PWWP3A: variants seen among roughly 807,000 people sequenced by gnomAD.
PWWP3A encodes the protein PWWP domain-containing DNA repair factor 3A.
PWWP3A carries 53 observed loss-of-function variants against 79.0 expected under a neutral mutation model. The observed-to-expected ratio is 0.67, with a 90% CI of 0.54 to 0.84. The LOEUF is 0.84. Among genes scored for constraint, PWWP3A ranks in the 40% least tolerant of loss-of-function variants. The probability of loss-of-function intolerance (pLI) is 0.00; values close to 1 mark genes in which losing one functional copy is unlikely to be tolerated. For synonymous variants in PWWP3A, 443 were observed against 394.4 expected (o/e 1.12, Z -1.46); for missense variants, 973 against 948.0 (o/e 1.03, Z -0.35).
intron 12 of PWWP3A, 119 bp downstream of exon 12, chr19:1,371,197 C>A: frequency 1.7e-6 from 2 of 1,195,480 alleles, no homozygotes; most frequent in Non-Finnish European, 1.2e-6. Context: ...CGGCGGCCAA[C>A]GGAGCGTGGA....
chr19:1,367,548 T>C (rs944574893), intron 9 of PWWP3A, among the ~76,000 whole-genome samples: 2 of 152,200 alleles, frequency 1.3e-5, no homozygotes, highest in African/African-American at 4.8e-5. Flanking sequence ...CCGCCTTCCC[T>C]GGCCGACTGT....
chr19:1,370,382 G>T (rs997515978), intron 11 of PWWP3A, among the ~76,000 whole-genome samples: 1 of 152,210 alleles, frequency 6.6e-6, no homozygotes, highest in Non-Finnish European at 1.5e-5. Flanking sequence ...TGCTTGGGCA[G>T]TGCTGCACGG....
At chr19:1,361,087 C>A (rs2082005051) in intron 5 of PWWP3A, 55 bp downstream of exon 5, 1 of 1,358,810 alleles carries the variant, frequency 7.4e-7, no homozygotes, top group Non-Finnish European at 9.5e-7. Flanking sequence ...TGCTCCTCCG[C>A]AGCCAGACTG....
intron 11 of PWWP3A, among the ~76,000 whole-genome samples, chr19:1,370,024 G>A (rs182019809): frequency 2.6e-5 from 4 of 152,344 alleles, no homozygotes; most frequent in South Asian, 2.1e-4. Flanking sequence ...GAGGCCAGGA[G>A]TTCAAGACTA....
chr19:1,356,240 G>C, intron 1 of PWWP3A, 84 bp from the exon 2 acceptor site: 3 of 729,384 alleles, frequency 4.1e-6, no homozygotes, highest in Non-Finnish European at 7.3e-6. Flanking sequence ...GCTAAGTCGA[G>C]CTAACCTTTG....
chr19:1,374,225 C>T (rs1021018687), intron 13 of PWWP3A: 16 of 152,136 alleles, frequency 1.1e-4, no homozygotes, highest in Admixed American at 2.6e-4. Context: ...CATCAAAACC[C>T]GTTAGGAGTT....
Position 1,366,388 on chromosome 19 carries a change from C to T in PWWP3A, c.1361+7C>T, listed in dbSNP as rs369389536. The T allele has an allele frequency of 3.8e-5, 61 of 1,613,730 alleles. 1 individual carries two copies. The South Asian group carries it at 5.8e-4, about 15-fold the overall frequency. On this transcript the variant is annotated splice_region_variant and intron_variant, in intron 8 of 13. Coordinates refer to ENST00000591337, the MANE Select transcript of PWWP3A (RefSeq NM_001369789.1). ...TGAACCCGAAAATGAAAGGGTAACCCGCTGTTCTTGGTTTCTGTGAATGGG... is the reference window on the plus strand; with the variant it reads ...TGAACCCGAAAATGAAAGGGTAACCTGCTGTTCTTGGTTTCTGTGAATGGG...
At position 1,369,690 on chromosome 19, in the gene PWWP3A, G is replaced by T; in HGVS notation, c.1549+44G>T. 6.2e-7 allele frequency: 1 copy of T among 1,604,990 alleles called. No homozygotes were observed. The highest frequency in any genetic ancestry group is 2.2e-5 in the East Asian group (1 of 44,850). ...CTTGGAAAATGTGGTTTGCCTTTTA[G>T]CCCTTTAGAAAAACAATCTTCTATG... is the stretch of plus-strand genomic sequence containing the variant. On this transcript the variant is annotated intron_variant, in intron 11 of 13. Transcript: ENST00000591337. The surrounding 1 kb of genome is among the most constrained non-coding windows in gnomAD (Gnocchi z 4.0).
intron 11 of PWWP3A, 28 bp from the exon 12 acceptor site, chr19:1,370,614 G>A: frequency 6.9e-7 from 1 of 1,441,360 alleles, no homozygotes; most frequent in South Asian, 1.5e-5. Context: ...CCCACGCGCT[G>A]GTCCCACGAC....
rs770179963 is a variant in PWWP3A at position 1,358,657 on chromosome 19, G to GC, written c.214+197dup. ...GCTTTCTTAAACCTTTCCAGAATTT[G>GC]CCCCTAGAACCACTCCTATTCTTGA... On this transcript the variant is annotated intron_variant, in intron 4 of 13. Transcript: ENST00000591337. 7 of 1,531,698 alleles carry GC rather than the reference G, an allele frequency of 4.6e-6. No homozygotes were observed. In the South Asian group the frequency reaches 8.4e-5, roughly 18 times the overall value. 94.9% of individuals were successfully genotyped at this position (1,531,698 alleles called of 1,614,324 possible).
chr19:1,369,289 C>T lies in PWWP3A; in HGVS notation c.1447C>T (p.Gln483Ter). ...LLNQAREDFN[Q>*]DIGWCVSLIT... ...GAATCAAGCCAGGGAGGACTTCAAC[C>T]AGGACATCGGCTGGTGTGTCTCCCT... The change falls in exon 10 of 14, where the codon CAG (glutamine) becomes TAG (stop). Residue 483 changes from glutamine to a stop codon, truncating the protein, a stop_gained. Coordinates refer to ENST00000591337, the MANE Select transcript of PWWP3A (RefSeq NM_001369789.1). LOFTEE classifies it high-confidence loss of function. The surrounding 1 kb of genome is among the most constrained non-coding windows in gnomAD (Gnocchi z 4.0). The T allele has an allele frequency of 6.2e-7, 1 of 1,614,160 alleles. No homozygotes were observed. The highest frequency in any genetic ancestry group is 1.1e-5 in the South Asian group (1 of 91,070).
At chr19:1,355,883 T>G (rs1437107446) in intron 1 of PWWP3A, among the ~76,000 whole-genome samples, 1 of 151,980 alleles carries the variant, frequency 6.6e-6, no homozygotes, top group Non-Finnish European at 1.5e-5. Context: ...CCCCGTTCTT[T>G]CAGGGACATG....
chr19:1,363,677 C>T (rs1362093005), intron 6 of PWWP3A, among the ~76,000 whole-genome samples: 3 of 152,176 alleles, frequency 2.0e-5, no homozygotes, highest in East Asian at 1.9e-4. Flanking sequence ...GTTCCCTGAC[C>T]GGCCTCTGAA....
At chr19:1,358,369 T>C (rs1260609756) in intron 3 of PWWP3A, 25 bp from the exon 4 acceptor site, 3 of 1,603,492 alleles carry the variant, frequency 1.9e-6, no homozygotes, top group Admixed American at 3.4e-5. Flanking sequence ...GCTGGTGGTG[T>C]GTAACGTCGA....
Position 1,364,585 on chromosome 19 carries a change from A to G in PWWP3A, c.1284+6A>G, listed in dbSNP as rs1416018781. On this transcript the variant is annotated splice_donor_region_variant and intron_variant, in intron 7 of 13. Coordinates refer to ENST00000591337, the MANE Select transcript of PWWP3A (RefSeq NM_001369789.1). Reference sequence around the variant, plus strand: ...ACCCCTTCTGGCCAGCAGTGGTAAGAACAGCTTCCTCCGTCTTCTCAGATG... The same window carrying G: ...ACCCCTTCTGGCCAGCAGTGGTAAGGACAGCTTCCTCCGTCTTCTCAGATG... The G allele has an allele frequency of 6.3e-7, 1 of 1,590,632 alleles. No homozygotes were observed. Among genetic ancestry groups the G allele is most frequent in the Non-Finnish European group, 8.5e-7 (1 of 1,169,918 alleles).
chr19:1,359,902 A>G (rs2081970836), intron 4 of PWWP3A: 4 of 425,368 alleles, frequency 9.4e-6, no homozygotes, highest in East Asian at 7.4e-5. Context: ...GTTAAGGTCA[A>G]TAAATTTGGT....
Position 1,369,320 on chromosome 19 carries a change from C to T in PWWP3A, c.1478C>T (p.Thr493Ile). The T allele has an allele frequency of 6.2e-7, 1 of 1,613,932 alleles. No homozygotes were observed. Among genetic ancestry groups the T allele is most frequent in the South Asian group, 1.1e-5 (1 of 91,070 alleles). ...QDIGWCVSLITDYRVRLGCGS... is the reference protein window; with the variant it reads ...QDIGWCVSLIIDYRVRLGCGS... ...ATCGGCTGGTGTGTCTCCCTCATCACCGACTACAGGGTCCGGTTAGGTACG... is the reference window on the plus strand; with the variant it reads ...ATCGGCTGGTGTGTCTCCCTCATCATCGACTACAGGGTCCGGTTAGGTACG... Residue 493 changes from threonine to isoleucine, a missense_variant, in exon 10 of 14, where the codon ACC becomes ATC. By Grantham distance (89) the Thr-to-Ile change is moderately conservative (BLOSUM62 -1). Coordinates refer to ENST00000591337, the MANE Select transcript of PWWP3A (RefSeq NM_001369789.1). The surrounding 1 kb of genome is among the most constrained non-coding windows in gnomAD (Gnocchi z 4.0).
In PWWP3A at chr19:1,366,359, C is replaced by T; in HGVS notation, c.1339C>T (p.His447Tyr). Reference sequence around the variant, plus strand: ...AGCAAGTGTGCTATACATCGAAGGACACATGAACCCGAAAATGAAAGGGTA... The same window carrying T: ...AGCAAGTGTGCTATACATCGAAGGATACATGAACCCGAAAATGAAAGGGTA... The part of the protein sequence containing the change: ...KKASVLYIEG[H>Y]MNPKMKGFTV... Residue 447 changes from histidine (H) to tyrosine (Y), a missense_variant, in exon 8 of 14, where the codon CAC (histidine) becomes TAC (tyrosine). Transcript: ENST00000591337. 1 of 1,614,204 alleles carries T rather than the reference C, an allele frequency of 6.2e-7. No individual in the cohort carries two copies. Among genetic ancestry groups the T allele is most frequent in the Non-Finnish European group, 8.5e-7 (1 of 1,180,018 alleles).
chr19:1,371,231 C>A (rs2082252640), intron 12 of PWWP3A, 153 bp downstream of exon 12: 2 of 869,442 alleles, frequency 2.3e-6, no homozygotes, highest in African/African-American at 1.7e-5. Context: ...TACATCCTGT[C>A]AGTGCTGGGA....
Sources: gnomAD v4.1 joint callset for allele counts (sites outside exome capture counted in the v4.1 genomes callset) on GRCh38, gnomAD v4.1.1 for gene constraint, Gnocchi (gnomAD v3.1) non-coding constraint, MANE v1.5 for transcripts, NCBI Gene and HGNC (gene_info 2026-07-23, HGNC 2026-07-21) for gene names.